DRAM2: variants seen among roughly 807,000 people sequenced by gnomAD.
DRAM2 encodes the protein DNA damage-regulated autophagy modulator protein 2.
In DRAM2, 26 loss-of-function variants were observed where a neutral mutation model predicts 33.5. That is an observed-to-expected ratio of 0.78 (90% CI 0.57 to 1.08). DRAM2 has a LOEUF of 1.08. Among genes scored for constraint, DRAM2 ranks in the 50% least tolerant of loss-of-function variants. The pLI is 0.00. For missense variants in DRAM2, 311 were observed against 318.1 expected (o/e 0.98, Z 0.17); for synonymous variants, 98 against 109.5 (o/e 0.89, Z 0.66).
chr1:111,137,606 A>C lies in DRAM2; in HGVS notation c.-78-20T>G, dbSNP rs1478315972. 2.0e-5 allele frequency: 3 copies of C among 152,196 alleles called. No homozygotes were observed. Among genetic ancestry groups the C allele is most frequent in the African/African-American group, 7.2e-5 (3 of 41,446 alleles). The allele number at this position is 152,196 out of a possible 1,614,324, so 9.4% of individuals were successfully genotyped here. ...TAAATCCTAAAACCGACACAAAGAA[A>C]ATAAGAAGTTTTTCTCTCAATCCAC... On this transcript the variant is annotated intron_variant, in intron 2 of 9. Transcript: ENST00000484310.
At chr1:111,130,870 A>G (rs758673044) in intron 4 of DRAM2, among the ~76,000 whole-genome samples, 20 of 150,142 alleles carry the variant, frequency 1.3e-4, no homozygotes, top group Non-Finnish European at 2.5e-4. Context: ...AGCTGGGCGT[A>G]GTGATGCACG....
At chr1:111,129,324 AAAAGC>A (rs1651614455) in intron 4 of DRAM2, among the ~76,000 whole-genome samples, 4 of 152,242 alleles carry the variant, frequency 2.6e-5, no homozygotes, top group Admixed American at 2.6e-4. Context: ...CAGATGTTTC[AAAAGC>A]ATCATATAGA....
intron 3 of DRAM2, among the ~76,000 whole-genome samples, chr1:111,134,121 C>T (rs948219941): frequency 6.6e-6 from 1 of 152,148 alleles, no homozygotes; most frequent in African/African-American, 2.4e-5. Context: ...CACTTTCTTC[C>T]TTGAATTCCA....
At chr1:111,131,640 C>T in intron 3 of DRAM2, 72 bp from the exon 4 acceptor site, 4 of 1,498,084 alleles carry the variant, frequency 2.7e-6, no homozygotes, top group Non-Finnish European at 3.7e-6. Flanking sequence ...CCATCCATGC[C>T]CACAGCCTTG....
chr1:111,124,776 C>G lies in DRAM2; in HGVS notation c.305G>C (p.Ser102Thr), dbSNP rs1650666036. 1 of 1,613,366 alleles carries G rather than the reference C, an allele frequency of 6.2e-7. No homozygotes were observed. Among genetic ancestry groups the G allele is most frequent in the Admixed American group, 1.7e-5 (1 of 59,946 alleles). Residue 102 changes from serine to threonine, a missense_variant, in exon 6 of 10, where the codon AGT becomes ACT. Transcript: ENST00000484310. Reference protein sequence around the residue: ...NKAGLVLGILSCLGLSIVANF... With the variant: ...NKAGLVLGILTCLGLSIVANF... ...TGCCACAATAGAAAGTCCTAAACAA[C>G]TCAGTATTCCAAGTACAAGGCCAGC...
rs767345532 is a variant in DRAM2 at position 111,131,575 on chromosome 1, T to C, written c.-14-7A>G. On this transcript the variant is annotated splice_polypyrimidine_tract_variant and splice_region_variant and intron_variant, in intron 3 of 9. Transcript: ENST00000484310. ...CACATTTCTAACAGGTTTTCTGAAA[T>C]AGAGAAAACATATTAGAAAAGATAA... is the stretch of plus-strand genomic sequence containing the variant. The C allele has an allele frequency of 5.8e-5, 94 of 1,612,326 alleles. No homozygotes were observed. Among genetic ancestry groups the C allele is most frequent in the South Asian group, 2.5e-4 (23 of 91,004 alleles).
chr1:111,138,761 C>T (rs1364803229), intron 2 of DRAM2, among the ~76,000 whole-genome samples: 1 of 152,088 alleles, frequency 6.6e-6, no homozygotes, highest in African/African-American at 2.4e-5. Context: ...TCCAGCCTGG[C>T]AACAGAGCGA....
intron 4 of DRAM2, among the ~76,000 whole-genome samples, chr1:111,129,907 C>CAGT (rs1384463275): frequency 6.6e-6 from 1 of 152,066 alleles, no homozygotes; most frequent in Non-Finnish European, 1.5e-5. Flanking sequence ...GGAAATCTAC[C>CAGT]AAACTATGAA....
At chr1:111,130,521 T>C (rs897133393) in intron 4 of DRAM2, among the ~76,000 whole-genome samples, 21 of 151,898 alleles carry the variant, frequency 1.4e-4, no homozygotes, top group African/African-American at 4.4e-4. Context: ...CTCACCAACA[T>C]GGTGAAACCC....
intron 3 of DRAM2, among the ~76,000 whole-genome samples, chr1:111,135,762 C>T (rs1464596019): frequency 1.3e-5 from 2 of 152,200 alleles, no homozygotes; most frequent in Non-Finnish European, 1.5e-5. Flanking sequence ...ATTGTCTCTA[C>T]AGTATGAAAA....
chr1:111,136,390 C>A (rs959075842), intron 3 of DRAM2, among the ~76,000 whole-genome samples: 1 of 152,014 alleles, frequency 6.6e-6, no homozygotes, highest in African/African-American at 2.4e-5. Context: ...CACGGTGAAA[C>A]CCAGTCTCTA....
chr1:111,118,681 C>A (rs554302588), intron 9 of DRAM2, 124 bp downstream of exon 9: 1 of 632,138 alleles, frequency 1.6e-6, no homozygotes, highest in Non-Finnish European at 2.6e-6. Flanking sequence ...TTTATGATAC[C>A]AAATCACAAA....
At chr1:111,132,589 G>C (rs1462406059) in intron 3 of DRAM2, among the ~76,000 whole-genome samples, 1 of 152,146 alleles carries the variant, frequency 6.6e-6, no homozygotes, top group Non-Finnish European at 1.5e-5. Flanking sequence ...AGCTGGTGGA[G>C]AGAAATCTCC....
At chr1:111,133,618 A>G (rs914415120) in intron 3 of DRAM2, among the ~76,000 whole-genome samples, 1 of 152,238 alleles carries the variant, frequency 6.6e-6, no homozygotes, top group Non-Finnish European at 1.5e-5. Flanking sequence ...AACACCTTAA[A>G]TACATGAAAT....
chr1:111,133,729 A>G (rs185736618), intron 3 of DRAM2, among the ~76,000 whole-genome samples: 2 of 152,362 alleles, frequency 1.3e-5, no homozygotes, highest in Admixed American at 1.3e-4. Context: ...ATTTGATTCT[A>G]GTGCCCAATC....
chr1:111,136,990 G>A (rs528064016), intron 3 of DRAM2, among the ~76,000 whole-genome samples: 46 of 150,372 alleles, frequency 3.1e-4, no homozygotes, highest in Middle Eastern at 3.5e-3. Context: ...ACGGTGGCTC[G>A]CGCCTGTAAT....
intron 4 of DRAM2, among the ~76,000 whole-genome samples, chr1:111,126,803 C>CA (rs1307099381): frequency 2.0e-5 from 3 of 152,184 alleles, no homozygotes; most frequent in Non-Finnish European, 4.4e-5. Context: ...GTAAAATAGA[C>CA]AAAGCCCCTG....
At position 111,131,424 on chromosome 1, in the gene DRAM2, C is replaced by G; in HGVS notation, c.131G>C (p.Ser44Thr). The G allele has an allele frequency of 6.2e-7, 1 of 1,611,486 alleles. No homozygotes were observed. Among genetic ancestry groups the G allele is most frequent in the Non-Finnish European group, 8.5e-7 (1 of 1,178,740 alleles). The part of the protein sequence containing the change: ...HHIDPALPYI[S>T]DTGTVAPEKC... ...TATACAAAGAATACATTTCACTTAC[C>G]TGATATAAGGTAAAGCCGGGTCTAT... Residue 44 changes from serine to threonine, a missense_variant and splice_region_variant, in exon 4 of 10, where the codon AGT becomes ACT. Physicochemically the swap from Ser to Thr is moderately conservative, Grantham distance 58. Coordinates refer to ENST00000484310, the MANE Select transcript of DRAM2 (RefSeq NM_001349884.2).
At chr1:111,128,954 C>A (rs1190474118) in intron 4 of DRAM2, among the ~76,000 whole-genome samples, 4 of 152,162 alleles carry the variant, frequency 2.6e-5, no homozygotes, top group Non-Finnish European at 4.4e-5. Context: ...GCTACATATT[C>A]CACTAGCAGA....
Sources: allele counts gnomAD v4.1 joint callset (sites outside exome capture counted in the v4.1 genomes callset), GRCh38; gene constraint gnomAD v4.1.1; transcripts MANE v1.5; gene names NCBI Gene and HGNC (gene_info 2026-07-23, HGNC 2026-07-21).